KIF1B: variants seen among roughly 807,000 people sequenced by gnomAD.
KIF1B encodes the protein kinesin-like protein KIF1B.
A neutral mutation model predicts 241.9 loss-of-function variants in KIF1B; 76 were observed. The ratio of observed to expected loss-of-function variants is 0.31; its 90% CI spans 0.26 to 0.38. KIF1B has a LOEUF of 0.38. KIF1B is among the 10% of genes least tolerant of loss of function. The pLI is 1.00. For missense variants in KIF1B, 1,622 were observed against 2,271.4 expected (o/e 0.71, Z 5.81); for synonymous variants, 750 against 796.7 (o/e 0.94, Z 0.99).
intron 5 of KIF1B, among the ~76,000 whole-genome samples, chr1:10,266,254 A>G (rs1648457001): frequency 1.3e-5 from 2 of 152,240 alleles, no homozygotes. Context: ...AGAACACTCA[A>G]GCCATTCGCA....
rs926541491 is a variant in KIF1B, at chr1:10,349,350, G to A, written c.3949+617G>A. Among the ~76,000 whole-genome samples, 7 of 152,048 alleles carry A rather than the reference G, an allele frequency of 4.6e-5. No homozygotes were observed. In the East Asian group the frequency reaches 9.7e-4, roughly 21 times the overall value. The stretch of plus-strand genomic sequence containing the variant: ...CTCGGGAGGCTGAGGTGGGAGGATC[G>A]CTTGAACTTGGGAGGTGGAGGTTGC... On this transcript the variant is annotated intron_variant, in intron 37 of 48. Coordinates refer to ENST00000676179, the MANE Select transcript of KIF1B (RefSeq NM_001365951.3).
At chr1:10,260,350 G>A (rs1648060427) in intron 4 of KIF1B, among the ~76,000 whole-genome samples, 1 of 152,172 alleles carries the variant, frequency 6.6e-6, no homozygotes, top group Non-Finnish European at 1.5e-5. Context: ...AGTTGCTCTG[G>A]GTGAGTCAGT....
chr1:10,232,464 G>T, intron 2 of KIF1B, 30 bp downstream of exon 2: 1 of 1,461,130 alleles, frequency 6.8e-7, no homozygotes. Context: ...TCTCAGCTGT[G>T]TATCTTACTT....
intron 1 of KIF1B, among the ~76,000 whole-genome samples, chr1:10,212,950 A>C (rs909645086): frequency 2.2e-4 from 32 of 145,242 alleles, no homozygotes; most frequent in African/African-American, 4.0e-4. Flanking sequence ...ACATTTAAAA[A>C]ATTTGGATAG....
At chr1:10,253,756 T>C (rs903931650) in intron 2 of KIF1B, among the ~76,000 whole-genome samples, 1 of 152,252 alleles carries the variant, frequency 6.6e-6, no homozygotes, top group Admixed American at 6.5e-5. Flanking sequence ...AGAAGTATAC[T>C]TCTTTGCTTG....
At chr1:10,266,309 C>T (rs912903857) in intron 5 of KIF1B, among the ~76,000 whole-genome samples, 1 of 152,156 alleles carries the variant, frequency 6.6e-6, no homozygotes, top group Non-Finnish European at 1.5e-5. Context: ...CTGTTGGAAG[C>T]CTGTTGGTTG....
In KIF1B at chr1:10,292,129, A is replaced by G; in HGVS notation, c.1590+7A>G. On this transcript the variant is annotated splice_region_variant and intron_variant, in intron 17 of 48. Coordinates refer to ENST00000676179, the MANE Select transcript of KIF1B (RefSeq NM_001365951.3). ...GGTTTTCTCACCTAAAAAGGTAGGA[A>G]ACAATGCTGTGAAACCTAATCAGAC... is the stretch of plus-strand genomic sequence containing the variant. The G allele has an allele frequency of 6.2e-7, 1 of 1,611,294 alleles. No homozygotes were observed. The highest frequency in any genetic ancestry group is 8.5e-7 in the Non-Finnish European group (1 of 1,177,528).
At chr1:10,356,540 A>G (rs1638252122) in intron 38 of KIF1B, among the ~76,000 whole-genome samples, 1 of 151,664 alleles carries the variant, frequency 6.6e-6, no homozygotes, top group African/African-American at 2.4e-5. Flanking sequence ...TGTTTTCTTG[A>G]GACGGGGTGT....
intron 4 of KIF1B, among the ~76,000 whole-genome samples, chr1:10,260,739 T>G (rs997646319): frequency 6.6e-6 from 1 of 151,776 alleles, no homozygotes; most frequent in Admixed American, 6.6e-5. Flanking sequence ...TGGTGGCGCA[T>G]GCCTGTAATC....
intron 10 of KIF1B, among the ~76,000 whole-genome samples, chr1:10,273,934 C>CTTTTTTTT (rs35845856): frequency 1.7e-5 from 2 of 116,814 alleles, no homozygotes; most frequent in African/African-American, 3.2e-5. Flanking sequence ...TTAGTAGCTT[C>CTTTTTTTT]TTTTTTTTTT....
chr1:10,361,869 A>G (rs1442537920), intron 40 of KIF1B, 44 bp downstream of exon 40: 1 of 1,605,480 alleles, frequency 6.2e-7, no homozygotes, highest in Non-Finnish European at 8.5e-7. Context: ...TTTGTTCAGT[A>G]CAACAGAATC....
At chr1:10,221,859 A>C (rs1477357989) in intron 1 of KIF1B, among the ~76,000 whole-genome samples, 1 of 152,130 alleles carries the variant, frequency 6.6e-6, no homozygotes, top group Non-Finnish European at 1.5e-5. Flanking sequence ...TCTGTCGCCC[A>C]GGTTGGAGTG....
intron 22 of KIF1B, chr1:10,305,409 A>G (rs929917542): frequency 9.5e-6 from 10 of 1,054,182 alleles, no homozygotes; most frequent in African/African-American, 1.7e-5. Context: ...GTATCATTTG[A>G]CACACATGCA....
At chr1:10,294,274 G>A (rs1650150346) in intron 17 of KIF1B, among the ~76,000 whole-genome samples, 1 of 152,108 alleles carries the variant, frequency 6.6e-6, no homozygotes. Context: ...GTTAGAAGAT[G>A]TTTATCTTAT....
At chr1:10,262,050 A>G in intron 5 of KIF1B, 80 bp downstream of exon 5, 1 of 916,116 alleles carries the variant, frequency 1.1e-6, no homozygotes, top group African/African-American at 1.6e-5. Context: ...CCAAATTATG[A>G]CTGTGGTACA....
In KIF1B at chr1:10,326,451, G is replaced by A. The variant is rs1651727831; in HGVS notation, c.2924+92G>A. The A allele has an allele frequency of 6.7e-7, 1 of 1,501,142 alleles. No individual in the cohort carries two copies. Among genetic ancestry groups the A allele is most frequent in the South Asian group, 1.1e-5 (1 of 88,116 alleles). The allele number at this position is 1,501,142 out of a possible 1,614,324, so 93.0% of individuals were successfully genotyped here. A position where few individuals can be genotyped will look rare whatever the true frequency, so the allele number is the denominator to read the frequency against. ...CACAATTTTGGATAACCTTGCATTA[G>A]CCAATTCAACTCATGAATGCTCTTT... On this transcript the variant is annotated intron_variant, in intron 27 of 48. Transcript: ENST00000676179. The surrounding 1 kb of genome is among the most constrained non-coding windows in gnomAD (Gnocchi z 5.2).
intron 48 of KIF1B, 143 bp downstream of exon 48, chr1:10,375,516 T>G (rs1041177120): frequency 1.4e-6 from 1 of 735,040 alleles, no homozygotes; most frequent in African/African-American, 1.7e-5. Flanking sequence ...CCCCAGTAGC[T>G]GAGACTACAG....
At chr1:10,301,851 T>G (rs1353375949) in intron 22 of KIF1B, among the ~76,000 whole-genome samples, 2 of 152,214 alleles carry the variant, frequency 1.3e-5, no homozygotes. Context: ...GATTTGCTTG[T>G]ATTAGTTAAG....
Position 10,220,307 on chromosome 1 carries a change from G to A in KIF1B, c.-80+9429G>A, listed in dbSNP as rs554756909. 2.6e-5 allele frequency among the ~76,000 whole-genome samples: 4 copies of A among 151,746 alleles called. No homozygotes were observed. The East Asian group carries it at 7.8e-4, about 29-fold the overall frequency. On this transcript the variant is annotated intron_variant, in intron 1 of 48. Coordinates refer to ENST00000676179, the MANE Select transcript of KIF1B (RefSeq NM_001365951.3). ...GATTGCTTGAGCCTGGGAGATTGAG[G>A]CTGCAGTGAACTGTGATTGTTCCAC... is the stretch of plus-strand genomic sequence containing the variant.
Sources: allele counts gnomAD v4.1 joint callset (sites outside exome capture counted in the v4.1 genomes callset), GRCh38; gene constraint gnomAD v4.1.1; non-coding constraint Gnocchi (gnomAD v3.1); transcripts MANE v1.5; gene names NCBI Gene and HGNC (gene_info 2026-07-23, HGNC 2026-07-21).